Variants in SV2C observed in about 807,000 individuals in gnomAD.
SV2C encodes synaptic vesicle glycoprotein 2C.
Under a neutral mutation model 79.7 loss-of-function variants are expected in SV2C, and 49 were observed. The observed-to-expected ratio is 0.61, with a 90% CI of 0.49 to 0.78. SV2C has a LOEUF of 0.78. Among genes scored for constraint, SV2C ranks in the 30% least tolerant of loss-of-function variants. The pLI is 0.00. For missense variants in SV2C, 833 were observed against 912.9 expected, an observed-to-expected ratio of 0.91 and a Z score of 1.13; for synonymous variants, 334 against 333.2, an observed-to-expected ratio of 1.00 and a Z score of -0.03.
the SV2C span, among the ~76,000 whole-genome samples, chr5:75,871,834 T>TACACACAC: frequency 1.8e-3 from 210 of 118,832 alleles, no homozygotes; most frequent in African/African-American, 6.5e-3. Context: ...TATATATATA[T>TACACACAC]ACACACACAC....
chr5:76,321,733 C>A (rs1748835880), intron 12 of SV2C, among the ~76,000 whole-genome samples: 1 of 145,058 alleles, frequency 6.9e-6, no homozygotes, highest in Non-Finnish European at 1.5e-5. Context: ...ATGAGCGAGA[C>A]CCTATCATCT....
At chr5:75,898,199 G>A in the SV2C span, among the ~76,000 whole-genome samples, 19,511 of 152,196 alleles carry the variant, frequency 0.13, 1,620 homozygotes, top group Non-Finnish European at 0.19. Flanking sequence ...GATATTGGCT[G>A]TGGGTTTGTC....
At chr5:76,285,555 G>A (rs367898506) in intron 5 of SV2C, 1 of 625,340 alleles carries the variant, frequency 1.6e-6, no homozygotes, top group South Asian at 2.2e-5. Context: ...TTGTTTTATA[G>A]CGAAATTTTA....
intron 12 of SV2C, among the ~76,000 whole-genome samples, chr5:76,345,919 GAAAGCCCCA>G (rs968496338): frequency 2.6e-5 from 4 of 152,158 alleles, no homozygotes; most frequent in African/African-American, 9.7e-5. Context: ...TCTCTGTGTA[GAAAGCCCCA>G]AAATACCTAA....
At chr5:75,876,671 C>T in the SV2C span, among the ~76,000 whole-genome samples, 6 of 151,812 alleles carry the variant, frequency 4.0e-5, no homozygotes, top group African/African-American at 1.2e-4. Flanking sequence ...ATAACAATAA[C>T]GTCATAAAGA....
chr5:75,902,769 G>T, the SV2C span, among the ~76,000 whole-genome samples: 1 of 152,176 alleles, frequency 6.6e-6, no homozygotes, highest in Non-Finnish European at 1.5e-5. Flanking sequence ...TTTGCATAAA[G>T]TTGATCAACT....
At position 76,164,335 on chromosome 5, in the gene SV2C, A is replaced by C. The variant is rs149388651; in HGVS notation, c.581-30584A>C. Among the ~76,000 whole-genome samples the C allele has an allele frequency of 3.4e-3, 516 of 152,338 alleles. 3 individuals carry two copies. The highest frequency in any genetic ancestry group is 0.012 in the African/African-American group (488 of 41,570). ...CTAGTTCCTTTTCCAGAAAGTCTCA[A>C]GATCATTTTCCATGCAACAGCCACA... On this transcript the variant is annotated intron_variant, in intron 2 of 12. Transcript: ENST00000502798.
chr5:76,031,347 A>T, the SV2C span, among the ~76,000 whole-genome samples: 1 of 152,258 alleles, frequency 6.6e-6, no homozygotes, highest in Non-Finnish European at 1.5e-5. Context: ...CAATAATGGC[A>T]TCCACTGCCC....
chr5:76,012,481 G>A, the SV2C span, among the ~76,000 whole-genome samples: 1 of 152,096 alleles, frequency 6.6e-6, no homozygotes. Context: ...ATTTGTTTAA[G>A]TTCCTTATAG....
intron 3 of SV2C, among the ~76,000 whole-genome samples, chr5:76,205,995 G>T (rs1744596900): frequency 5.3e-5 from 8 of 152,076 alleles, no homozygotes; most frequent in Admixed American, 5.2e-4. Flanking sequence ...ACTGATACAT[G>T]GGAATTTAAG....
intron 4 of SV2C, 95 bp downstream of exon 4, chr5:76,209,982 A>T: frequency 2.2e-6 from 3 of 1,372,282 alleles, no homozygotes; most frequent in Non-Finnish European, 2.9e-6. Context: ...CCACTTTGAG[A>T]AAAACTACTC....
At chr5:76,141,575 G>A (rs1749250176) in intron 2 of SV2C, among the ~76,000 whole-genome samples, 1 of 152,114 alleles carries the variant, frequency 6.6e-6, no homozygotes, top group Non-Finnish European at 1.5e-5. Context: ...TGTAATCCCA[G>A]CCCTTTGGGA....
intron 4 of SV2C, among the ~76,000 whole-genome samples, chr5:76,229,546 C>T (rs761038363): frequency 4.6e-5 from 7 of 152,218 alleles, no homozygotes; most frequent in Non-Finnish European, 7.3e-5. Context: ...CCTTCATGCT[C>T]ACCTGTACAT....
At chr5:76,238,248 T>C (rs1438396968) in intron 4 of SV2C, among the ~76,000 whole-genome samples, 1 of 152,052 alleles carries the variant, frequency 6.6e-6, no homozygotes, top group Non-Finnish European at 1.5e-5. Context: ...ACCATTCTAT[T>C]GAGTTTTTAT....
chr5:76,024,330 A>G, the SV2C span, among the ~76,000 whole-genome samples: 1 of 151,992 alleles, frequency 6.6e-6, no homozygotes, highest in Non-Finnish European at 1.5e-5. Context: ...AAATATATAT[A>G]TTTGCTGGGC....
chr5:76,179,002 G>C (rs1283859994), intron 2 of SV2C, among the ~76,000 whole-genome samples: 1 of 152,192 alleles, frequency 6.6e-6, no homozygotes, highest in Non-Finnish European at 1.5e-5. Context: ...TGGAGTTTCA[G>C]AAAAGGATGA....
At chr5:76,025,460 C>T in the SV2C span, among the ~76,000 whole-genome samples, 3 of 152,188 alleles carry the variant, frequency 2.0e-5, no homozygotes, top group African/African-American at 7.2e-5. Flanking sequence ...TTTTAAAAAG[C>T]TCTACCTAAC....
chr5:76,210,107 A>G (rs1035646705), intron 4 of SV2C, among the ~76,000 whole-genome samples: 5 of 152,126 alleles, frequency 3.3e-5, no homozygotes, highest in East Asian at 1.9e-4. Context: ...TAATGGGGGG[A>G]AAATATTTTC....
the SV2C span, among the ~76,000 whole-genome samples, chr5:75,953,050 C>T: frequency 1.3e-5 from 2 of 152,084 alleles, no homozygotes; most frequent in South Asian, 4.1e-4. Flanking sequence ...TTATTTGGCT[C>T]ATGATTCTGC....
Sources: allele counts gnomAD v4.1 joint callset (sites outside exome capture counted in the v4.1 genomes callset), GRCh38; gene constraint gnomAD v4.1.1; transcripts MANE v1.5; gene names NCBI Gene and HGNC (gene_info 2026-07-23, HGNC 2026-07-21).